WEE2: variants seen among roughly 807,000 people sequenced by gnomAD.
The protein encoded by WEE2 is wee1-like protein kinase 2.
In WEE2, 50 loss-of-function variants were observed where a neutral mutation model predicts 60.1. That is an observed-to-expected ratio of 0.83 (90% confidence interval 0.66 to 1.05). The LOEUF is 1.05. WEE2 is among the 50% of genes least tolerant of loss of function. WEE2 has a pLI of 0.00. For missense variants in WEE2, 631 were observed against 684.3 expected (o/e 0.92, Z 0.87); for synonymous variants, 240 against 241.0 (o/e 1.00, Z 0.04).
chr7:141,718,767 G>A (rs905222697), intron 3 of WEE2, among the ~76,000 whole-genome samples: 1 of 152,128 alleles, frequency 6.6e-6, no homozygotes, highest in Non-Finnish European at 1.5e-5. Context: ...CTGGGAGTGA[G>A]AAGTTGTGTC....
chr7:141,716,473 G>A (rs1372514201), intron 3 of WEE2, among the ~76,000 whole-genome samples: 2 of 130,058 alleles, frequency 1.5e-5, no homozygotes, highest in East Asian at 4.4e-4. Context: ...TTCTCCTTCT[G>A]CCCTCTCTTC....
chr7:141,722,661 A>G (rs1039448552), intron 5 of WEE2, among the ~76,000 whole-genome samples: 2 of 152,260 alleles, frequency 1.3e-5, no homozygotes, highest in African/African-American at 4.8e-5. Flanking sequence ...CTGATGGCCT[A>G]TAACTACTAG....
Position 141,727,204 on chromosome 7 carries a change from A to G in WEE2, c.1393-100A>G, listed in dbSNP as rs116646867. 936 of 1,334,074 alleles carry G rather than the reference A, an allele frequency of 7.0e-4. 2 individuals are homozygous for G. The African/African-American group carries it at 0.013, about 18-fold the overall frequency. 82.6% of individuals were successfully genotyped at this position (1,334,074 alleles called of 1,614,324 possible). A position where few individuals can be genotyped will look rare whatever the true frequency, so the allele number is the denominator to read the frequency against. On this transcript the variant is annotated intron_variant, in intron 9 of 11. Coordinates refer to ENST00000397541, the MANE Select transcript of WEE2 (RefSeq NM_001105558.1). ...GCACAAAGCAGAAGCAATGTCTTAC[A>G]AAATCCACCAGGAGAAGCTGGGTTG...
chr7:141,723,809 A>T (rs1405567488), intron 6 of WEE2, 132 bp from the exon 7 acceptor site: 3 of 603,950 alleles, frequency 5.0e-6, no homozygotes, highest in Non-Finnish European at 8.4e-6. Flanking sequence ...ATACAAAAAA[A>T]AAACCTTAGT....
intron 2 of WEE2, 65 bp from the exon 3 acceptor site, chr7:141,716,157 C>T: frequency 1.5e-6 from 2 of 1,370,080 alleles, no homozygotes; most frequent in Non-Finnish European, 1.0e-6. Context: ...TCCCTAGAAC[C>T]TAGCATAGTT....
rs181977583 is a variant in WEE2, at chr7:141,708,654, G to A, written c.-105G>A. ...GTAGAGGGAAATTCAGGCTACCGTC[G>A]CGAAACCTGCAGGTTAAGTTATTTT... On this transcript the variant is annotated 5_prime_UTR_variant, in exon 1 of 12. Coordinates refer to ENST00000397541, the MANE Select transcript of WEE2 (RefSeq NM_001105558.1). 1.0e-5 allele frequency: 10 copies of A among 991,276 alleles called. No individual in the cohort carries two copies. Among genetic ancestry groups the A allele is most frequent in the Admixed American group, 2.3e-5 (1 of 43,374 alleles). 61.4% of individuals were successfully genotyped at this position (991,276 alleles called of 1,614,324 possible).
At chr7:141,713,163 A>C (rs1005212649) in intron 1 of WEE2, among the ~76,000 whole-genome samples, 8 of 152,246 alleles carry the variant, frequency 5.3e-5, no homozygotes, top group African/African-American at 1.9e-4. Context: ...TAGTATTTAC[A>C]ATAGATCCAA....
At chr7:141,723,301 C>A (rs1798952227) in intron 6 of WEE2, 21 bp downstream of exon 6, 5 of 1,609,832 alleles carry the variant, frequency 3.1e-6, no homozygotes, top group East Asian at 4.5e-5. Flanking sequence ...TTCCCTTCTG[C>A]CACTTCTACC....
chr7:141,723,308 T>C, intron 6 of WEE2, 28 bp downstream of exon 6: 1 of 1,608,378 alleles, frequency 6.2e-7, no homozygotes, highest in Non-Finnish European at 8.5e-7. Flanking sequence ...CTGCCACTTC[T>C]ACCGTATTTT....
Position 141,708,934 on chromosome 7 carries a change from C to T in WEE2, c.176C>T (p.Pro59Leu), listed in dbSNP as rs761200760. 62 of 1,613,920 alleles carry T rather than the reference C, an allele frequency of 3.8e-5. No individual in the cohort carries two copies. Among genetic ancestry groups the T allele is most frequent in the Non-Finnish European group, 5.0e-5 (59 of 1,180,010 alleles). ...SEAKGTPPWTPLSNVHELDTS... is the reference protein window; with the variant it reads ...SEAKGTPPWTLLSNVHELDTS... ...GCAAAGGGTACACCACCTTGGACTC[C>T]CCTTAGCAACGTGCATGAGCTCGAC... is the stretch of plus-strand genomic sequence containing the variant. Residue 59 changes from proline (P) to leucine (L), a missense_variant, in exon 1 of 12, where the codon CCC (proline) becomes CTC (leucine). Physicochemically the swap from Pro to Leu is moderately conservative, Grantham distance 98. Transcript: ENST00000397541.
intron 1 of WEE2, among the ~76,000 whole-genome samples, chr7:141,713,330 G>T (rs1798738730): frequency 6.6e-6 from 1 of 152,132 alleles, no homozygotes; most frequent in Admixed American, 6.6e-5. Context: ...TGTGTGTGCT[G>T]CCATACTCCT....
intron 5 of WEE2, among the ~76,000 whole-genome samples, chr7:141,721,907 C>T (rs987065768): frequency 3.3e-5 from 5 of 152,162 alleles, no homozygotes; most frequent in African/African-American, 7.2e-5. Context: ...GTTTCCGAAA[C>T]GAGCTAAATT....
Position 141,711,744 on chromosome 7 carries a change from T to A in WEE2, c.343-2465T>A, listed in dbSNP as rs1798714126. On this transcript the variant is annotated intron_variant, in intron 1 of 11. Coordinates refer to ENST00000397541, the MANE Select transcript of WEE2 (RefSeq NM_001105558.1). This position sits in a 1 kb window ranked among gnomAD's most constrained non-coding sequence, Gnocchi z 4.2. ...CTGGGTAAATTATAAAGAAAAGAGGTTTATTTGGCTTACAGTTCTGCAGGC... is the reference window on the plus strand; with the variant it reads ...CTGGGTAAATTATAAAGAAAAGAGGATTATTTGGCTTACAGTTCTGCAGGC... 6.6e-6 allele frequency: 1 copy of A among 152,138 alleles called. No homozygotes were observed. The highest frequency in any genetic ancestry group is 2.4e-5 in the African/African-American group (1 of 41,406). 9.4% of individuals were successfully genotyped at this position (152,138 alleles called of 1,614,324 possible). A position where few individuals can be genotyped will look rare whatever the true frequency, so the allele number is the denominator to read the frequency against.
chr7:141,715,231 C>T (rs1426867975), intron 2 of WEE2, among the ~76,000 whole-genome samples: 1 of 152,184 alleles, frequency 6.6e-6, no homozygotes, highest in Non-Finnish European at 1.5e-5. Flanking sequence ...AGTCCACCCA[C>T]CTACTTTGGC....
chr7:141,727,263 G>A, intron 9 of WEE2, 41 bp from the exon 10 acceptor site: 1 of 1,580,094 alleles, frequency 6.3e-7, no homozygotes, highest in Middle Eastern at 1.7e-4. Context: ...TTTCCCAATA[G>A]TGAAGCTTCT....
intron 2 of WEE2, 142 bp from the exon 3 acceptor site, chr7:141,716,080 A>T (rs759266620): frequency 3.4e-5 from 22 of 650,288 alleles, no homozygotes; most frequent in Non-Finnish European, 5.3e-5. Flanking sequence ...TTGTATTGAA[A>T]TTTCCTGGTT....
chr7:141,721,643 T>A (rs911413431), intron 5 of WEE2, among the ~76,000 whole-genome samples: 1 of 151,968 alleles, frequency 6.6e-6, no homozygotes, highest in Non-Finnish European at 1.5e-5. Context: ...TATTTTTTTT[T>A]AATAGAGGCG....
intron 5 of WEE2, among the ~76,000 whole-genome samples, chr7:141,722,567 A>G (rs151272669): frequency 6.6e-6 from 1 of 152,296 alleles, no homozygotes; most frequent in African/African-American, 2.4e-5. Context: ...TGCAGCTTCT[A>G]TATTCTCCTT....
intron 9 of WEE2, among the ~76,000 whole-genome samples, chr7:141,726,206 C>G (rs1249080573): frequency 1.3e-5 from 2 of 152,208 alleles, no homozygotes; most frequent in Admixed American, 6.5e-5. Flanking sequence ...TCTTAAGGAA[C>G]AGGATTGGCT....
Sources: allele counts gnomAD v4.1 joint callset (sites outside exome capture counted in the v4.1 genomes callset), GRCh38; gene constraint gnomAD v4.1.1; non-coding constraint Gnocchi (gnomAD v3.1); transcripts MANE v1.5; gene names NCBI Gene and HGNC (gene_info 2026-07-23, HGNC 2026-07-21).